The following CWH43 variants were observed in gnomAD, a reference collection of about 807,000 sequenced individuals.
CWH43 encodes the protein cell wall biogenesis 43 C-terminal homolog.
A neutral mutation model predicts 85.7 loss-of-function variants in CWH43; 91 were observed. That is an observed-to-expected ratio of 1.06 (90% CI 0.90 to 1.26). The LOEUF (loss-of-function observed/expected upper bound fraction) is 1.26, where lower values mean the gene tolerates loss of function less well. Ranked by LOEUF, CWH43 falls within the 50% of genes most tolerant of loss-of-function variation. The pLI, the probability that CWH43 is intolerant of heterozygous loss-of-function variation, is 0.00. For synonymous variants in CWH43, 323 were observed against 293.6 expected (o/e 1.10, Z -1.02); for missense variants, 869 against 839.2 (o/e 1.04, Z -0.44).
At chr4:49,004,886 A>C (rs1460056313) in intron 7 of CWH43, among the ~76,000 whole-genome samples, 1 of 152,192 alleles carries the variant, frequency 6.6e-6, no homozygotes, top group East Asian at 1.9e-4. Context: ...TAATTTCATA[A>C]ACTTAGTTCA....
chr4:48,991,828 T>C, intron 3 of CWH43, 108 bp from the exon 4 acceptor site: 2 of 1,019,702 alleles, frequency 2.0e-6, no homozygotes, highest in Non-Finnish European at 2.9e-6. Flanking sequence ...TATTGCAAAT[T>C]ACCAATAAGA....
intron 6 of CWH43, among the ~76,000 whole-genome samples, chr4:48,999,758 C>T (rs1782930812): frequency 6.6e-6 from 1 of 152,156 alleles, no homozygotes; most frequent in Non-Finnish European, 1.5e-5. Context: ...CATGATGAAG[C>T]TCCATTTCCC....
intron 8 of CWH43, among the ~76,000 whole-genome samples, chr4:49,010,507 C>A (rs1447980693): frequency 6.6e-6 from 1 of 152,000 alleles, no homozygotes; most frequent in Non-Finnish European, 1.5e-5. Context: ...TTATTTCTTG[C>A]CTTCTGCTAG....
At chr4:49,028,925 T>C (rs990005173) in intron 10 of CWH43, among the ~76,000 whole-genome samples, 191 bp downstream of exon 10, 2 of 152,192 alleles carry the variant, frequency 1.3e-5, no homozygotes, top group Non-Finnish European at 2.9e-5. Context: ...CTGTAACCAC[T>C]CCTGTCTTTG....
Position 48,994,810 on chromosome 4 carries a change from A to G in CWH43, c.703A>G (p.Asn235Asp). The change falls in exon 5 of 16, where the codon AAC becomes GAC. Residue 235 changes from asparagine (N) to aspartate (D), a missense_variant. Physicochemically the swap from Asn to Asp is conservative, Grantham distance 23 (BLOSUM62 1). Transcript: ENST00000226432. ...SGHPHPGPDP[N>D]PFGGAVLLCL... is the part of the protein sequence containing the mutation. Reference sequence around the variant, plus strand: ...GCATCCACATCCAGGGCCAGATCCTAACCCATTTGGGTGAGTTTGGGTTTG... The same window carrying G: ...GCATCCACATCCAGGGCCAGATCCTGACCCATTTGGGTGAGTTTGGGTTTG... The G allele has an allele frequency of 1.2e-6, 2 of 1,613,818 alleles. No homozygotes were observed. Among genetic ancestry groups the G allele is most frequent in the Non-Finnish European group, 1.7e-6 (2 of 1,179,996 alleles).
At chr4:48,988,411 C>T in intron 1 of CWH43, 66 bp from the exon 2 acceptor site, 1 of 1,296,690 alleles carries the variant, frequency 7.7e-7, no homozygotes, top group Non-Finnish European at 1.1e-6. Context: ...AGTGGAGGGA[C>T]AGGACTGTCG....
intron 14 of CWH43, among the ~76,000 whole-genome samples, chr4:49,045,846 C>T (rs1422208921): frequency 7.2e-5 from 11 of 152,080 alleles, no homozygotes; most frequent in Non-Finnish European, 1.5e-4. Flanking sequence ...ATATCAATTA[C>T]CTTAAACATT....
chr4:49,048,077 G>C (rs1187704641), intron 14 of CWH43, among the ~76,000 whole-genome samples: 1 of 152,120 alleles, frequency 6.6e-6, no homozygotes, highest in Non-Finnish European at 1.5e-5. Context: ...TTAAATATTT[G>C]TTAAAGCAAT....
chr4:49,005,654 C>T (rs189277637), intron 7 of CWH43, among the ~76,000 whole-genome samples: 1 of 151,396 alleles, frequency 6.6e-6, no homozygotes. Flanking sequence ...TGAGCTCCCC[C>T]CTCAACCTCC....
intron 15 of CWH43, among the ~76,000 whole-genome samples, chr4:49,052,884 G>T (rs1425325289): frequency 6.6e-6 from 1 of 152,128 alleles, no homozygotes; most frequent in Non-Finnish European, 1.5e-5. Flanking sequence ...TAGATCTCCA[G>T]AAATTTTTCA....
At chr4:49,049,165 C>T (rs114680174) in intron 14 of CWH43, among the ~76,000 whole-genome samples, 3,265 of 152,248 alleles carry the variant, frequency 0.021, 59 homozygotes, top group African/African-American at 0.057. Flanking sequence ...CAGAAGTGCA[C>T]AGATTTAGGA....
chr4:49,058,814 T>C (rs1403487499), intron 15 of CWH43, among the ~76,000 whole-genome samples: 1 of 152,246 alleles, frequency 6.6e-6, no homozygotes, highest in African/African-American at 2.4e-5. Flanking sequence ...AGGTTTCTAC[T>C]GAGAAACACA....
At position 49,025,294 on chromosome 4, in the gene CWH43, C is replaced by CT. The variant is rs1388050829; in HGVS notation, c.1267-3335_1267-3334insT. On this transcript the variant is annotated intron_variant, in intron 9 of 15. Coordinates refer to ENST00000226432, the MANE Select transcript of CWH43 (RefSeq NM_025087.3). ...TTTTATTTCTTTAAGTCTGACTTTA[C>CT]CTTTTTCTGGTGCCTCCTTGATTGG... Among the ~76,000 whole-genome samples the CT allele has an allele frequency of 3.7e-4, 56 of 152,000 alleles. No homozygotes were observed. In the East Asian group the frequency reaches 0.01, roughly 28 times the overall value.
At chr4:49,028,492 G>C (rs1350701085) in intron 9 of CWH43, 137 bp from the exon 10 acceptor site, 1 of 588,674 alleles carries the variant, frequency 1.7e-6, no homozygotes. Flanking sequence ...TATTTTCATG[G>C]ATTAAATGTG....
At chr4:49,056,887 T>G (rs1313233026) in intron 15 of CWH43, among the ~76,000 whole-genome samples, 1 of 152,248 alleles carries the variant, frequency 6.6e-6, no homozygotes, top group Non-Finnish European at 1.5e-5. Flanking sequence ...AAATCTTTCC[T>G]TTTGATTTCT....
At chr4:49,061,034 T>C (rs1221795777) in intron 15 of CWH43, among the ~76,000 whole-genome samples, 2 of 152,208 alleles carry the variant, frequency 1.3e-5, no homozygotes, top group East Asian at 3.8e-4. Flanking sequence ...AATATTTCAT[T>C]GTATGGATGC....
At chr4:49,035,160 C>G (rs949588016) in intron 12 of CWH43, among the ~76,000 whole-genome samples, 1 of 152,092 alleles carries the variant, frequency 6.6e-6, no homozygotes, top group African/African-American at 2.4e-5. Context: ...TTCTACAGTA[C>G]TAGATACACA....
At chr4:48,986,880 T>A in intron 1 of CWH43, 1 of 912,746 alleles carries the variant, frequency 1.1e-6, no homozygotes, top group Non-Finnish European at 1.3e-6. Flanking sequence ...GGGGCACCCG[T>A]TTTCCCCAGG....
At chr4:49,050,254 A>C (rs149095918) in intron 14 of CWH43, among the ~76,000 whole-genome samples, 64 of 152,302 alleles carry the variant, frequency 4.2e-4, no homozygotes, top group Non-Finnish European at 2.9e-5. Context: ...CGGGATATGG[A>C]ATTTTTTCAG....
Sources: allele counts gnomAD v4.1 joint callset (sites outside exome capture counted in the v4.1 genomes callset), GRCh38; gene constraint gnomAD v4.1.1; transcripts MANE v1.5; gene names NCBI Gene and HGNC (gene_info 2026-07-23, HGNC 2026-07-21).